CFAP299: variants seen among roughly 807,000 people sequenced by gnomAD.
The protein encoded by CFAP299 is cilia- and flagella-associated protein 299.
CFAP299 carries 21 observed loss-of-function variants against 27.0 expected under a neutral mutation model. The ratio of observed to expected loss-of-function variants is 0.78; its 90% CI spans 0.55 to 1.12. The LOEUF (loss-of-function observed/expected upper bound fraction) is 1.12, where lower values mean the gene tolerates loss of function less well. Ranked by LOEUF, CFAP299 falls within the 50% of genes most tolerant of loss-of-function variation. CFAP299 has a pLI of 0.00. For synonymous variants in CFAP299, 104 were observed against 98.1 expected (o/e 1.06, Z -0.36); for missense variants, 310 against 276.6 (o/e 1.12, Z -0.86).
intron 2 of CFAP299, chr4:80,388,169 G>T (rs1298254285): frequency 2.9e-6 from 2 of 680,648 alleles, no homozygotes; most frequent in Admixed American, 4.0e-5. Context: ...TGAGGGCAGT[G>T]GTGGAGGAGG....
At chr4:80,647,765 A>C (rs1292976830) in intron 3 of CFAP299, among the ~76,000 whole-genome samples, 1 of 152,218 alleles carries the variant, frequency 6.6e-6, no homozygotes, top group Non-Finnish European at 1.5e-5. Flanking sequence ...AGCTGATGAA[A>C]TGTGAGAGCA....
rs1471878939 is a variant in CFAP299 at position 80,727,412 on chromosome 4, A to ATATAAATT, written c.334-142580_334-142573dup. ...CTTTCAAAAGTGTGAAGACTATAGA[A>ATATAAATT]TATAAATTGTTTTGATTTACATGCT... On this transcript the variant is annotated intron_variant, in intron 3 of 5. Transcript: ENST00000358105. Among the ~76,000 whole-genome samples the ATATAAATT allele has an allele frequency of 6.6e-4, 100 of 152,218 alleles. No individual in the cohort carries two copies. In the Middle Eastern group the frequency reaches 0.01, roughly 16 times the overall value.
At chr4:80,661,113 G>T (rs1340358893) in intron 3 of CFAP299, among the ~76,000 whole-genome samples, 1 of 152,098 alleles carries the variant, frequency 6.6e-6, no homozygotes, top group Non-Finnish European at 1.5e-5. Context: ...ATCACCTGAG[G>T]TCAGGAGTTT....
intron 3 of CFAP299, among the ~76,000 whole-genome samples, chr4:80,681,534 A>G (rs902244389): frequency 1.3e-5 from 2 of 152,190 alleles, no homozygotes; most frequent in Non-Finnish European, 2.9e-5. Flanking sequence ...GGACATTTCT[A>G]CTTAGGCATC....
At chr4:80,672,158 A>G (rs1741524177) in intron 3 of CFAP299, among the ~76,000 whole-genome samples, 1 of 152,138 alleles carries the variant, frequency 6.6e-6, no homozygotes, top group Non-Finnish European at 1.5e-5. Flanking sequence ...AATAGCTCTT[A>G]TGATTCTCAG....
chr4:80,711,128 T>C (rs111797583), intron 3 of CFAP299, among the ~76,000 whole-genome samples: 1 of 152,078 alleles, frequency 6.6e-6, no homozygotes. Flanking sequence ...GAAAGAACAG[T>C]CAGAAAAACT....
intron 2 of CFAP299, chr4:80,387,205 G>A: frequency 4.3e-6 from 6 of 1,380,332 alleles, no homozygotes; most frequent in Non-Finnish European, 6.2e-6. Context: ...ACTGGTGCAC[G>A]CTCAGGTCGT....
At chr4:80,888,907 A>G (rs1221597060) in intron 4 of CFAP299, among the ~76,000 whole-genome samples, 2 of 151,540 alleles carry the variant, frequency 1.3e-5, no homozygotes, top group Non-Finnish European at 3.0e-5. Flanking sequence ...AGGAAGTTGA[A>G]AATTTTCTTG....
At chr4:80,732,060 C>T (rs1319768779) in intron 3 of CFAP299, among the ~76,000 whole-genome samples, 1 of 139,016 alleles carries the variant, frequency 7.2e-6, no homozygotes, top group Non-Finnish European at 1.5e-5. Context: ...CACAGACACA[C>T]AGACACACAG....
At chr4:80,484,836 A>G (rs1397098752) in intron 2 of CFAP299, among the ~76,000 whole-genome samples, 3 of 152,030 alleles carry the variant, frequency 2.0e-5, no homozygotes, top group African/African-American at 7.2e-5. Flanking sequence ...GAAAATAAAT[A>G]TTTTTCCTGT....
At chr4:80,646,657 T>G (rs1740024029) in intron 3 of CFAP299, among the ~76,000 whole-genome samples, 1 of 152,110 alleles carries the variant, frequency 6.6e-6, no homozygotes, top group African/African-American at 2.4e-5. Context: ...GCACAATGAT[T>G]CTTATTGACA....
At chr4:80,386,361 A>T in intron 2 of CFAP299, 1 of 1,458,124 alleles carries the variant, frequency 6.9e-7, no homozygotes, top group African/African-American at 1.4e-5. Context: ...CAGCTCTGCG[A>T]AGGGCGGCTT....
intron 2 of CFAP299, among the ~76,000 whole-genome samples, chr4:80,447,130 G>GTTTTTTTTTTTTTTTTTTTTT (rs1553923883): frequency 4.7e-5 from 5 of 105,314 alleles, no homozygotes; most frequent in African/African-American, 1.3e-4. Flanking sequence ...TTTTTTTTTT[G>GTTTTTTTTTTTTTTTTTTTTT]TTTTTTTTTT....
chr4:80,799,524 TATATA>T (rs1391946846), intron 3 of CFAP299, among the ~76,000 whole-genome samples: 1 of 84,074 alleles, frequency 1.2e-5, no homozygotes, highest in Admixed American at 2.3e-4. Context: ...ATTTATATAA[TATATA>T]ATATATTTAA....
intron 2 of CFAP299, among the ~76,000 whole-genome samples, chr4:80,368,492 A>G (rs1723958146): frequency 1.3e-5 from 2 of 152,164 alleles, no homozygotes; most frequent in African/African-American, 4.8e-5. Flanking sequence ...TAACTATAGA[A>G]GGTAGAAATG....
intron 3 of CFAP299, among the ~76,000 whole-genome samples, chr4:80,628,422 C>T (rs888753777): frequency 6.6e-6 from 1 of 152,012 alleles, no homozygotes; most frequent in Admixed American, 6.6e-5. Flanking sequence ...TTTATCTGGG[C>T]AATGACTTTT....
At chr4:80,523,234 T>C (rs1733008410) in intron 2 of CFAP299, among the ~76,000 whole-genome samples, 1 of 152,180 alleles carries the variant, frequency 6.6e-6, no homozygotes, top group African/African-American at 2.4e-5. Context: ...TATTTTATTA[T>C]TTCTGATGCT....
At chr4:80,870,417 G>C in intron 4 of CFAP299, 1 of 1,065,260 alleles carries the variant, frequency 9.4e-7, no homozygotes, top group South Asian at 3.7e-5. Context: ...AACCTCATGA[G>C]GCTTTTGCAG....
At chr4:80,569,208 T>C (rs1409965560) in intron 2 of CFAP299, among the ~76,000 whole-genome samples, 1 of 152,104 alleles carries the variant, frequency 6.6e-6, no homozygotes, top group Non-Finnish European at 1.5e-5. Flanking sequence ...TCTTTCAGTG[T>C]TTCATTTGTT....
Sources: allele counts gnomAD v4.1 joint callset (sites outside exome capture counted in the v4.1 genomes callset), GRCh38; gene constraint gnomAD v4.1.1; transcripts MANE v1.5; gene names NCBI Gene and HGNC (gene_info 2026-07-23, HGNC 2026-07-21).